TRAF3: variants seen among roughly 807,000 people sequenced by gnomAD.
TRAF3 encodes TNF receptor-associated factor 3.
In TRAF3, 13 loss-of-function variants were observed where a neutral mutation model predicts 62.3. That is an observed-to-expected ratio of 0.21 (90% CI 0.14 to 0.33). The LOEUF is 0.33. Among genes scored for constraint, TRAF3 ranks in the 10% least tolerant of loss-of-function variants. The pLI, the probability that TRAF3 is intolerant of heterozygous loss-of-function variation, is 1.00. For synonymous variants in TRAF3, 269 were observed against 283.4 expected (o/e 0.95, Z 0.51); for missense variants, 440 against 741.8 (o/e 0.59, Z 4.73).
In TRAF3 at chr14:102,811,728, AGTGTGTGTGT is replaced by A. The variant is rs146439927; in HGVS notation, c.-156-18581_-156-18572del. On this transcript the variant is annotated intron_variant, in intron 1 of 11. Transcript: ENST00000392745. ...GTGAGGAGGATACTGCTACAGCAGT[AGTGTGTGTGT>A]GTGTGTGTGTGTGTGTGTGTGTGTT... Among the ~76,000 whole-genome samples the A allele has an allele frequency of 2.8e-3, 388 of 138,406 alleles. 4 individuals carry two copies. The highest frequency in any genetic ancestry group is 0.011 in the Middle Eastern group (3 of 278). 90.8% of individuals were successfully genotyped at this position (138,406 alleles called of 152,430 possible).
At chr14:102,802,743 G>T (rs1186993866) in intron 1 of TRAF3, among the ~76,000 whole-genome samples, 1 of 151,990 alleles carries the variant, frequency 6.6e-6, no homozygotes, top group Non-Finnish European at 1.5e-5. Context: ...CAGGAGAATT[G>T]CTTGAACTTG....
At chr14:102,866,697 T>G (rs1038886293) in intron 2 of TRAF3, among the ~76,000 whole-genome samples, 1 of 151,840 alleles carries the variant, frequency 6.6e-6, no homozygotes, top group African/African-American at 2.4e-5. Context: ...ATAAAAAAAT[T>G]AGCTGGGCAT....
At chr14:102,832,274 T>C (rs939115417) in intron 2 of TRAF3, among the ~76,000 whole-genome samples, 2 of 152,202 alleles carry the variant, frequency 1.3e-5, no homozygotes, top group Non-Finnish European at 2.9e-5. Flanking sequence ...ATAAAATCTT[T>C]CAGAAAAGAC....
intron 2 of TRAF3, among the ~76,000 whole-genome samples, chr14:102,853,673 TA>T (rs1887185034): frequency 6.6e-6 from 1 of 151,616 alleles, no homozygotes; most frequent in South Asian, 2.1e-4. Context: ...CCATCTCTAC[TA>T]AAAATACAAA....
chr14:102,819,836 C>G (rs1899780461), intron 1 of TRAF3, among the ~76,000 whole-genome samples: 1 of 152,254 alleles, frequency 6.6e-6, no homozygotes, highest in Non-Finnish European at 1.5e-5. Flanking sequence ...GACAGTGAGA[C>G]TATGAATAGC....
intron 2 of TRAF3, among the ~76,000 whole-genome samples, chr14:102,853,058 C>T (rs1366253012): frequency 3.9e-5 from 6 of 152,040 alleles, no homozygotes; most frequent in South Asian, 2.1e-4. Flanking sequence ...CACACCACCA[C>T]GTCCGGCTAA....
At chr14:102,834,014 C>G (rs1233252680) in intron 2 of TRAF3, among the ~76,000 whole-genome samples, 1 of 151,464 alleles carries the variant, frequency 6.6e-6, no homozygotes, top group Admixed American at 6.6e-5. Flanking sequence ...AATATTTGGG[C>G]GTGCATACTG....
chr14:102,809,871 C>A (rs1234555783), intron 1 of TRAF3, among the ~76,000 whole-genome samples: 1 of 152,132 alleles, frequency 6.6e-6, no homozygotes, highest in African/African-American at 2.4e-5. Flanking sequence ...AAGAACAGAT[C>A]TTTAAAGGGA....
intron 2 of TRAF3, among the ~76,000 whole-genome samples, chr14:102,855,981 A>G (rs893827192): frequency 6.7e-6 from 1 of 150,228 alleles, no homozygotes; most frequent in Admixed American, 6.7e-5. Flanking sequence ...ATTCCCAGGT[A>G]TTCGGGAGGC....
At chr14:102,788,065 G>A (rs1243990456) in intron 1 of TRAF3, among the ~76,000 whole-genome samples, 1 of 151,552 alleles carries the variant, frequency 6.6e-6, no homozygotes, top group Non-Finnish European at 1.5e-5. Flanking sequence ...TTGTTGACCA[G>A]GCTGGTCTCG....
intron 1 of TRAF3, among the ~76,000 whole-genome samples, chr14:102,783,003 A>G (rs1339529395): frequency 6.6e-6 from 1 of 152,164 alleles, no homozygotes; most frequent in Non-Finnish European, 1.5e-5. Context: ...CCTGAGATTA[A>G]TTTTGTGTTC....
At chr14:102,799,512 G>A (rs1898271169) in intron 1 of TRAF3, among the ~76,000 whole-genome samples, 1 of 152,102 alleles carries the variant, frequency 6.6e-6, no homozygotes, top group East Asian at 1.9e-4. Context: ...GTGCAATGGT[G>A]CGATCTCTGC....
chr14:102,797,432 G>A (rs1025986067), intron 1 of TRAF3, among the ~76,000 whole-genome samples: 2 of 152,126 alleles, frequency 1.3e-5, no homozygotes, highest in Non-Finnish European at 2.9e-5. Flanking sequence ...GGTGGGAAGC[G>A]TAGAGATTAT....
At chr14:102,800,722 A>ATTTTTTT in intron 1 of TRAF3, among the ~76,000 whole-genome samples, 1 of 131,472 alleles carries the variant, frequency 7.6e-6, no homozygotes, top group African/African-American at 2.9e-5. Flanking sequence ...TTTTGAGAAG[A>ATTTTTTT]CTCTTGCTCT....
intron 10 of TRAF3, among the ~76,000 whole-genome samples, chr14:102,901,140 G>A (rs768633837): frequency 1.5e-4 from 23 of 152,208 alleles, no homozygotes; most frequent in Non-Finnish European, 3.2e-4. Context: ...CGCATGTTGT[G>A]TGTTCCTGAC....
chr14:102,888,099 C>G (rs1454701261), intron 7 of TRAF3, among the ~76,000 whole-genome samples: 1 of 152,182 alleles, frequency 6.6e-6, no homozygotes, highest in East Asian at 1.9e-4. Flanking sequence ...ATACATCAAA[C>G]CCAGTGTGTC....
At chr14:102,843,538 G>A (rs557144905) in intron 2 of TRAF3, among the ~76,000 whole-genome samples, 2 of 152,184 alleles carry the variant, frequency 1.3e-5, no homozygotes, top group South Asian at 4.2e-4. Flanking sequence ...GAGTCTCACT[G>A]TGTTCTCCAG....
intron 2 of TRAF3, among the ~76,000 whole-genome samples, chr14:102,841,331 A>C (rs568593021): frequency 1.3e-5 from 2 of 152,330 alleles, no homozygotes; most frequent in African/African-American, 2.4e-5. Context: ...AAGAGGAAGC[A>C]CCTCAAGGCT....
At chr14:102,843,088 A>C (rs1330859859) in intron 2 of TRAF3, among the ~76,000 whole-genome samples, 2 of 151,770 alleles carry the variant, frequency 1.3e-5, no homozygotes, top group East Asian at 3.9e-4. Flanking sequence ...CTGTAATCCC[A>C]GCTACTCAGG....
Sources: allele counts gnomAD v4.1 joint callset (sites outside exome capture counted in the v4.1 genomes callset), GRCh38; gene constraint gnomAD v4.1.1; transcripts MANE v1.5; gene names NCBI Gene and HGNC (gene_info 2026-07-23, HGNC 2026-07-21).